UCN3: variants seen among roughly 807,000 people sequenced by gnomAD.
UCN3 encodes urocortin 3.
In UCN3, 3 loss-of-function variants were observed where a neutral mutation model predicts 3.6. That is an observed-to-expected ratio of 0.83 (90% CI 0.38 to 2.15). UCN3 has a LOEUF of 2.15. Ranked by LOEUF, UCN3 falls within the 30% of genes most tolerant of loss-of-function variation. The probability of loss-of-function intolerance (pLI) is 0.06; values close to 1 mark genes in which losing one functional copy is unlikely to be tolerated. For synonymous variants in UCN3, 100 were observed against 93.2 expected (o/e 1.07, Z -0.42); for missense variants, 206 against 208.3 (o/e 0.99, Z 0.07).
chr10:5,367,397 A>T lies in UCN3; in HGVS notation c.-7+2167A>T, dbSNP rs1390411663. On this transcript the variant is annotated intron_variant, in intron 1 of 1. Coordinates refer to ENST00000380433, the MANE Select transcript of UCN3 (RefSeq NM_053049.4). This position sits in a 1 kb window ranked among gnomAD's most constrained non-coding sequence, Gnocchi z 4.3. ...TGCAGAGAGAATGTACATCCATGAA[A>T]GAATTTAAAAGAGGTTGTTTTGCTT... Among the ~76,000 whole-genome samples the T allele has an allele frequency of 1.3e-5, 2 of 152,248 alleles. No individual in the cohort carries two copies. Among genetic ancestry groups the T allele is most frequent in the Non-Finnish European group, 2.9e-5 (2 of 68,042 alleles).
intron 1 of UCN3, among the ~76,000 whole-genome samples, chr10:5,369,831 G>C (rs891384431): frequency 1.3e-5 from 2 of 148,680 alleles, no homozygotes; most frequent in Admixed American, 1.4e-4. Flanking sequence ...GCTTTGACAG[G>C]AAATGTGCTG....
rs189145914 is a variant in UCN3, at chr10:5,368,813, A to G, written c.-7+3583A>G. ...AGCTGAAGGTCTGCCTATTGAATGC[A>G]ACATTTAAGGAAAGAAAAGCCCATT... On this transcript the variant is annotated intron_variant, in intron 1 of 1. Transcript: ENST00000380433. Among the ~76,000 whole-genome samples the G allele has an allele frequency of 2.9e-3, 439 of 152,288 alleles. 1 individual carries two copies. Among genetic ancestry groups the G allele is most frequent in the Admixed American group, 5.8e-3 (89 of 15,294 alleles).
intron 1 of UCN3, among the ~76,000 whole-genome samples, chr10:5,370,896 C>T (rs868985874): frequency 0.043 from 2,592 of 60,896 alleles, 216 homozygotes; most frequent in East Asian, 0.19. Flanking sequence ...TGTGTATATG[C>T]GTGTGTATAT....
At chr10:5,373,234 C>T (rs1192778167) in intron 1 of UCN3, among the ~76,000 whole-genome samples, 1 of 152,162 alleles carries the variant, frequency 6.6e-6, no homozygotes, top group African/African-American at 2.4e-5. Context: ...GACTAGACGC[C>T]CAGCCATGGT....
rs146243919 is a variant in UCN3, at chr10:5,373,931, G to A, written c.211G>A (p.Glu71Lys). The change falls in exon 2 of 2, where the codon GAG (glutamate) becomes AAG (lysine). Residue 71 changes from glutamate to lysine, a missense_variant. Glu to Lys is a moderately conservative substitution (Grantham distance 56, BLOSUM62 1). Transcript: ENST00000380433. ...GCGCAGCAGAGACGCCTCTTCGGGA[G>A]AGGAGGAGGAGGGCAAAGAGAAAAA... Reference protein sequence around the residue: ...YLRSRDASSGEEEEGKEKKTF... With the variant: ...YLRSRDASSGKEEEGKEKKTF... 5.3e-5 allele frequency: 86 copies of A among 1,611,390 alleles called. No individual in the cohort carries two copies. The African/African-American group carries it at 1.0e-3, about 20-fold the overall frequency.
Position 5,365,690 on chromosome 10 carries a change from C to G in UCN3, c.-7+460C>G, listed in dbSNP as rs1260422021. ...ACTGTTTACCTGTGCCACAAACCTT[C>G]ACCTGTGCCATCTCCCGTCACTCTC... On this transcript the variant is annotated intron_variant, in intron 1 of 1. Transcript: ENST00000380433. This position sits in a 1 kb window ranked among gnomAD's most constrained non-coding sequence, Gnocchi z 4.4. Among the ~76,000 whole-genome samples the G allele has an allele frequency of 1.3e-5, 2 of 152,198 alleles. No homozygotes were observed. The highest frequency in any genetic ancestry group is 4.8e-5 in the African/African-American group (2 of 41,446).
intron 1 of UCN3, among the ~76,000 whole-genome samples, chr10:5,370,841 G>A (rs142885563): frequency 0.014 from 836 of 59,980 alleles, 82 homozygotes; most frequent in South Asian, 0.017. Flanking sequence ...GTGTGTGCGC[G>A]TGTGTGTGCG....
Position 5,365,512 on chromosome 10 carries a change from ATCTGTTT to A in UCN3, c.-7+286_-7+292del, listed in dbSNP as rs1285899825. 6.6e-6 allele frequency among the ~76,000 whole-genome samples: 1 copy of A among 152,206 alleles called. No homozygotes were observed. The highest frequency in any genetic ancestry group is 1.5e-5 in the Non-Finnish European group (1 of 68,040). ...TCAGAGGCAGAAGGTGTTCACACAA[ATCTGTTT>A]TCTCTGAACAGAGCACAGCTGTGCA... On this transcript the variant is annotated intron_variant, in intron 1 of 1. Transcript: ENST00000380433. The surrounding 1 kb of genome is among the most constrained non-coding windows in gnomAD (Gnocchi z 4.4).
rs1300627267 is a variant in UCN3, at chr10:5,367,179, T to C, written c.-7+1949T>C. 2.0e-5 allele frequency among the ~76,000 whole-genome samples: 3 copies of C among 152,182 alleles called. No homozygotes were observed. The highest frequency in any genetic ancestry group is 2.1e-4 in the South Asian group (1 of 4,836). ...GGGAACACATCCAGAGGCTAGCCCA[T>C]TGCAAGGGAAAACCTGAACTTTTTC... On this transcript the variant is annotated intron_variant, in intron 1 of 1. Transcript: ENST00000380433. This position sits in a 1 kb window ranked among gnomAD's most constrained non-coding sequence, Gnocchi z 4.3.
In UCN3 at chr10:5,370,211, A is replaced by ATATGCGTGTGTATG. The variant is rs1554811145; in HGVS notation, c.-6-3503_-6-3502insATGCGTGTGTATGT. Among the ~76,000 whole-genome samples the ATATGCGTGTGTATG allele has an allele frequency of 2.3e-3, 39 of 16,888 alleles. 10 individuals are homozygous for ATATGCGTGTGTATG. Among genetic ancestry groups the ATATGCGTGTGTATG allele is most frequent in the Non-Finnish European group, 2.7e-3 (30 of 11,256 alleles). The allele number at this position is 16,888 out of a possible 152,430, so 11.1% of individuals were successfully genotyped here. ...TATATGCGTGTGTATATGCGTGTGT[A>ATATGCGTGTGTATG]TGTGTGTGTATGTGCGTGTGTGTAT... On this transcript the variant is annotated intron_variant, in intron 1 of 1. Coordinates refer to ENST00000380433, the MANE Select transcript of UCN3 (RefSeq NM_053049.4).
intron 1 of UCN3, among the ~76,000 whole-genome samples, chr10:5,372,038 G>A (rs1043961444): frequency 1.3e-5 from 2 of 152,228 alleles, no homozygotes; most frequent in Non-Finnish European, 2.9e-5. Flanking sequence ...GGGTGTGAGC[G>A]GGGCCCGCAG....
chr10:5,370,240 T>C lies in UCN3; in HGVS notation c.-6-3475T>C, dbSNP rs545144584. On this transcript the variant is annotated intron_variant, in intron 1 of 1. Transcript: ENST00000380433. The stretch of plus-strand genomic sequence containing the variant: ...GTGTGTATGTGCGTGTGTGTATGCG[T>C]GTGTGTATGCGTGTGTATATGCGTG... Among the ~76,000 whole-genome samples the C allele has an allele frequency of 3.0e-5, 3 of 98,946 alleles. No homozygotes were observed. The East Asian group carries it at 1.2e-3, about 41-fold the overall frequency. 64.9% of individuals were successfully genotyped at this position (98,946 alleles called of 152,430 possible).
rs781790794 is a variant in UCN3 at position 5,369,947 on chromosome 10, GTA to G, written c.-6-3764_-6-3763del. On this transcript the variant is annotated intron_variant, in intron 1 of 1. Transcript: ENST00000380433. ...TGTATGTGTGTGTGTGTATGTGTGT[GTA>G]TATGTGTGTGTATATGCGTGTGTAT... Among the ~76,000 whole-genome samples, 190 of 128,850 alleles carry G rather than the reference GTA, an allele frequency of 1.5e-3. 13 individuals carry two copies. Among genetic ancestry groups the G allele is most frequent in the Middle Eastern group, 8.0e-3 (2 of 250 alleles). 84.5% of individuals were successfully genotyped at this position (128,850 alleles called of 152,430 possible).
chr10:5,370,841 G>GCGCA (rs1831402726), intron 1 of UCN3, among the ~76,000 whole-genome samples: 1 of 59,988 alleles, frequency 1.7e-5, no homozygotes, highest in Non-Finnish European at 3.4e-5. Context: ...GTGTGTGCGC[G>GCGCA]TGTGTGTGCG....
At chr10:5,370,540 C>T (rs549339136) in intron 1 of UCN3, among the ~76,000 whole-genome samples, 4,556 of 20,986 alleles carry the variant, frequency 0.22, 1,170 homozygotes, top group African/African-American at 0.5. Context: ...TGTGTATATG[C>T]GTGTATATGT....
Position 5,374,217 on chromosome 10 carries a change from T to G in UCN3, c.*11T>G, listed in dbSNP as rs200574619. On this transcript the variant is annotated 3_prime_UTR_variant, in exon 2 of 2. Coordinates refer to ENST00000380433, the MANE Select transcript of UCN3 (RefSeq NM_053049.4). ...GGGAGGAAGAAGTAGAGGCGGAGGC[T>G]GGACGGGAGGGCAGCGGGGTGGGGA... is the stretch of plus-strand genomic sequence containing the variant. 1 of 1,109,532 alleles carries G rather than the reference T, an allele frequency of 9.0e-7. No homozygotes were observed. The highest frequency in any genetic ancestry group is 1.1e-6 in the Non-Finnish European group (1 of 890,672). The allele number at this position is 1,109,532 out of a possible 1,614,324, so 68.7% of individuals were successfully genotyped here. A position where few individuals can be genotyped will look rare whatever the true frequency, so the allele number is the denominator to read the frequency against.
In UCN3 at chr10:5,374,368, T is replaced by C; in HGVS notation, c.*162T>C. 2.9e-6 allele frequency: 2 copies of C among 692,782 alleles called. No homozygotes were observed. Among genetic ancestry groups the C allele is most frequent in the Non-Finnish European group, 4.7e-6 (2 of 422,678 alleles). 42.9% of individuals were successfully genotyped at this position (692,782 alleles called of 1,614,324 possible). ...TGCACTGCTGAGCCCCTCTGATCTC[T>C]TCTGGCCTTTGACCCTGTCTCCCTC... On this transcript the variant is annotated 3_prime_UTR_variant, in exon 2 of 2. Transcript: ENST00000380433.
chr10:5,373,968 T>C lies in UCN3; in HGVS notation c.248T>C (p.Ile83Thr), dbSNP rs200532059. ...GGCAAAGAGAAAAAGACTTTCCCCA[T>C]CTCTGGGGCCAGGGGTGGAGCCAGA... Reference protein sequence around the residue: ...EEGKEKKTFPISGARGGARGT... With the variant: ...EEGKEKKTFPTSGARGGARGT... Residue 83 changes from isoleucine to threonine, a missense_variant, in exon 2 of 2, where the codon ATC becomes ACC. Physicochemically the swap from Ile to Thr is moderately conservative, Grantham distance 89 (BLOSUM62 -1). Transcript: ENST00000380433. The C allele has an allele frequency of 1.0e-4, 161 of 1,610,204 alleles. No individual in the cohort carries two copies. The highest frequency in any genetic ancestry group is 1.3e-4 in the Non-Finnish European group (154 of 1,178,372).
Position 5,370,812 on chromosome 10 carries a change from TGCGTGTGTGTGCGC to T in UCN3, c.-6-2887_-6-2874del, listed in dbSNP as rs1233453440. On this transcript the variant is annotated intron_variant, in intron 1 of 1. Transcript: ENST00000380433. ...GTGTATGCGTGTGTATATGTGTGTGTGCGTGTGTGTGCGCGCGTGTGTGTGCGCGTGTGTGTGCG... is the reference window on the plus strand; with the variant it reads ...GTGTATGCGTGTGTATATGTGTGTGTGCGTGTGTGTGCGCGTGTGTGTGCG... Among the ~76,000 whole-genome samples, 324 of 116,378 alleles carry T rather than the reference TGCGTGTGTGTGCGC, an allele frequency of 2.8e-3. 9 individuals are homozygous for T. The highest frequency in any genetic ancestry group is 4.1e-3 in the Non-Finnish European group (232 of 56,138). 76.3% of individuals were successfully genotyped at this position (116,378 alleles called of 152,430 possible). A position where few individuals can be genotyped will look rare whatever the true frequency, so the allele number is the denominator to read the frequency against.
Sources: gnomAD v4.1 joint callset for allele counts (sites outside exome capture counted in the v4.1 genomes callset) on GRCh38, gnomAD v4.1.1 for gene constraint, Gnocchi (gnomAD v3.1) non-coding constraint, MANE v1.5 for transcripts, NCBI Gene and HGNC (gene_info 2026-07-23, HGNC 2026-07-21) for gene names.